The following NEK4 variants were observed in gnomAD, a reference collection of about 807,000 sequenced individuals.
NEK4 encodes the protein serine/threonine-protein kinase Nek4.
In NEK4, 86 loss-of-function variants were observed where a neutral mutation model predicts 98.4. That is an observed-to-expected ratio of 0.87 (90% CI 0.73 to 1.05). The LOEUF (loss-of-function observed/expected upper bound fraction) is 1.05. Ranked by LOEUF, NEK4 falls within the 50% of genes least tolerant of loss-of-function variation. NEK4 has a pLI of 0.00. For missense variants in NEK4, 898 were observed against 950.3 expected (o/e 0.94, Z 0.72); for synonymous variants, 328 against 342.2 (o/e 0.96, Z 0.46).
chr3:52,723,357 C>T (rs542114091), intron 15 of NEK4, among the ~76,000 whole-genome samples: 4 of 152,222 alleles, frequency 2.6e-5, no homozygotes, highest in South Asian at 2.1e-4. Flanking sequence ...AAGCGATTCT[C>T]GTGTCTCAGC....
Position 52,770,825 on chromosome 3 carries a change from A to G in NEK4, c.-79T>C. 1 of 1,296,654 alleles carries G rather than the reference A, an allele frequency of 7.7e-7. No homozygotes were observed. The highest frequency in any genetic ancestry group is 1.3e-5 in the South Asian group (1 of 79,324). 80.3% of individuals were successfully genotyped at this position (1,296,654 alleles called of 1,614,324 possible). The stretch of plus-strand genomic sequence containing the variant: ...CGGGCGGCAACAAGAAGCTCGGTTC[A>G]TGCCCGAGAGGGGGCAGTGGGGGCG... On this transcript the variant is annotated 5_prime_UTR_variant, in exon 1 of 16. An upstream start codon of the reference 5' UTR is lost. Coordinates refer to ENST00000233027, the MANE Select transcript of NEK4 (RefSeq NM_003157.6).
At chr3:52,718,454 C>T (rs1319193762) in intron 15 of NEK4, among the ~76,000 whole-genome samples, 1 of 121,928 alleles carries the variant, frequency 8.2e-6, no homozygotes. Flanking sequence ...GCCTGGGCGA[C>T]AGAGTAAGAC....
At position 52,742,943 on chromosome 3, in the gene NEK4, C is replaced by T. The variant is rs545043642; in HGVS notation, c.2004+409G>A. ...TGGCTGGGACTACAGGTGTGCGCCA[C>T]CTTGCCAGGTAATTTTTTTTTCTTA... On this transcript the variant is annotated intron_variant, in intron 12 of 15. Transcript: ENST00000233027. 5.9e-5 allele frequency among the ~76,000 whole-genome samples: 9 copies of T among 152,222 alleles called. No individual in the cohort carries two copies. The South Asian group carries it at 1.9e-3, about 32-fold the overall frequency.
intron 15 of NEK4, among the ~76,000 whole-genome samples, chr3:52,712,879 A>G (rs1436647306): frequency 6.6e-6 from 1 of 151,984 alleles, no homozygotes; most frequent in African/African-American, 2.4e-5. Flanking sequence ...CCAACCTCTT[A>G]TCTGTGTTCC....
At chr3:52,760,689 A>C (rs1459358858) in intron 6 of NEK4, 106 bp downstream of exon 6, 2 of 799,362 alleles carry the variant, frequency 2.5e-6, no homozygotes, top group African/African-American at 1.7e-5. Context: ...ATTGTACAAC[A>C]GAATCTCTAG....
chr3:52,744,488 A>G (rs1200321906), intron 10 of NEK4, among the ~76,000 whole-genome samples, 183 bp from the exon 11 acceptor site: 1 of 152,136 alleles, frequency 6.6e-6, no homozygotes, highest in African/African-American at 2.4e-5. Context: ...GTTCGAGGCC[A>G]GACTGGCCAA....
rs74906949 is a variant in NEK4 at position 52,756,559 on chromosome 3, T to C, written c.964-4223A>G. On this transcript the variant is annotated intron_variant, in intron 6 of 15. Transcript: ENST00000233027. Reference sequence around the variant, plus strand: ...AAAAGCTAGATATCCATATACAGAATAATGAAGTCAGACCTTTACCTAACA... The same window carrying C: ...AAAAGCTAGATATCCATATACAGAACAATGAAGTCAGACCTTTACCTAACA... Among the ~76,000 whole-genome samples, 608 of 152,242 alleles carry C rather than the reference T, an allele frequency of 4.0e-3. 2 individuals carry two copies. The highest frequency in any genetic ancestry group is 7.4e-3 in the Non-Finnish European group (503 of 67,984).
chr3:52,749,448 CA>C (rs2097401469), intron 8 of NEK4, among the ~76,000 whole-genome samples: 1 of 151,376 alleles, frequency 6.6e-6, no homozygotes, highest in Non-Finnish European at 1.5e-5. Flanking sequence ...ACAATATTTT[CA>C]AATGCTGTAT....
intron 15 of NEK4, among the ~76,000 whole-genome samples, chr3:52,720,323 T>G (rs556777086): frequency 1.3e-5 from 2 of 151,614 alleles, no homozygotes; most frequent in East Asian, 3.9e-4. Context: ...CAAGACTCTG[T>G]CTCAAAAAAA....
chr3:52,725,776 A>C (rs1054460735), intron 15 of NEK4, among the ~76,000 whole-genome samples: 2 of 152,152 alleles, frequency 1.3e-5, no homozygotes, highest in Non-Finnish European at 2.9e-5. Flanking sequence ...AAATCAACTA[A>C]ACACAAAAGA....
chr3:52,760,191 CTTTA>C (rs1166088014), intron 6 of NEK4, among the ~76,000 whole-genome samples: 8 of 152,000 alleles, frequency 5.3e-5, no homozygotes, highest in African/African-American at 7.2e-5. Flanking sequence ...TAATTGATCA[CTTTA>C]TTTATTTATT....
intron 1 of NEK4, among the ~76,000 whole-genome samples, 183 bp downstream of exon 1, chr3:52,770,471 T>C (rs13071584): frequency 0.43 from 63,760 of 148,574 alleles, 13,941 homozygotes; most frequent in Admixed American, 0.51. Flanking sequence ...AACAAAGAAG[T>C]AGAAGTAGTT....
intron 15 of NEK4, among the ~76,000 whole-genome samples, chr3:52,736,752 T>C (rs985045899): frequency 7.9e-5 from 12 of 152,134 alleles, no homozygotes; most frequent in South Asian, 2.1e-4. Context: ...ACCAAACTTA[T>C]GGATTATCAC....
At position 52,749,709 on chromosome 3, in the gene NEK4, C is replaced by T. The variant is rs532405462; in HGVS notation, c.1489G>A (p.Val497Met). ...AAAATTACCTGGGCGTGGTGGCACACGCCTGTAATCCCAGCTACTCGGGAG... is the reference window on the plus strand; with the variant it reads ...AAAATTACCTGGGCGTGGTGGCACATGCCTGTAATCCCAGCTACTCGGGAG... ...SASRVAGITGVCHHAQDQVAG... is the reference protein window; with the variant it reads ...SASRVAGITGMCHHAQDQVAG... Residue 497 changes from valine (V) to methionine (M), a missense_variant, in exon 8 of 16, where the codon GTG becomes ATG. By Grantham distance (21) the Val-to-Met change is conservative. Coordinates refer to ENST00000233027, the MANE Select transcript of NEK4 (RefSeq NM_003157.6). The T allele has an allele frequency of 5.2e-4, 128 of 247,466 alleles. No homozygotes were observed. The highest frequency in any genetic ancestry group is 2.5e-3 in the African/African-American group (109 of 42,778). The allele number at this position is 247,466 out of a possible 1,614,324, so 15.3% of individuals were successfully genotyped here. A position where few individuals can be genotyped will look rare whatever the true frequency, so the allele number is the denominator to read the frequency against.
At chr3:52,731,225 T>TA (rs1179737510) in intron 15 of NEK4, among the ~76,000 whole-genome samples, 1 of 152,208 alleles carries the variant, frequency 6.6e-6, no homozygotes, top group Non-Finnish European at 1.5e-5. Context: ...CCAGAAATGA[T>TA]AGAGTTACAA....
At chr3:52,722,921 T>A (rs1409711818) in intron 15 of NEK4, among the ~76,000 whole-genome samples, 1 of 152,128 alleles carries the variant, frequency 6.6e-6, no homozygotes, top group Non-Finnish European at 1.5e-5. Flanking sequence ...TGTAATTATG[T>A]GGCCAGGCAT....
At chr3:52,739,677 G>C (rs761738011) in intron 13 of NEK4, 43 bp from the exon 14 acceptor site, 1 of 1,533,212 alleles carries the variant, frequency 6.5e-7, no homozygotes. Context: ...TTGGCTTCAT[G>C]AGAATTTTTC....
intron 15 of NEK4, among the ~76,000 whole-genome samples, chr3:52,725,622 T>G (rs181364756): frequency 8.8e-4 from 134 of 152,238 alleles, no homozygotes; most frequent in African/African-American, 3.1e-3. Flanking sequence ...GGTAGAGTTT[T>G]TGTATGTTAT....
chr3:52,719,775 C>A (rs921188732), intron 15 of NEK4, among the ~76,000 whole-genome samples: 21 of 151,758 alleles, frequency 1.4e-4, no homozygotes, highest in African/African-American at 4.6e-4. Context: ...CTAAAAAGTA[C>A]AATAACTGAA....
Sources: gnomAD v4.1 joint callset for allele counts (sites outside exome capture counted in the v4.1 genomes callset) on GRCh38, gnomAD v4.1.1 for gene constraint, MANE v1.5 for transcripts, NCBI Gene and HGNC (gene_info 2026-07-23, HGNC 2026-07-21) for gene names.